The following FBN1 variants were observed in gnomAD, a reference collection of about 807,000 sequenced individuals.
FBN1 encodes fibrillin 1, also known as fibrillin-1.
FBN1 carries 29 observed loss-of-function variants against 365.1 expected under a neutral mutation model. The ratio of observed to expected loss-of-function variants is 0.08; its 90% CI spans 0.06 to 0.11. The LOEUF (loss-of-function observed/expected upper bound fraction) is 0.11, where lower values mean the gene tolerates loss of function less well. FBN1 is among the 10% of genes least tolerant of loss of function. The pLI is 1.00. For missense variants in FBN1, 2,476 were observed against 3,703.2 expected, an observed-to-expected ratio of 0.67 and a Z score of 8.60; for synonymous variants, 1,210 against 1,270.5, an observed-to-expected ratio of 0.95 and a Z score of 1.01.
At chr15:48,621,997 CAAA>C (rs1390517856) in intron 2 of FBN1, among the ~76,000 whole-genome samples, 1 of 91,892 alleles carries the variant, frequency 1.1e-5, no homozygotes. Context: ...GACTCTGTCT[CAAA>C]AAAAAAAAAA....
At chr15:48,622,792 C>T (rs2140752623) in intron 2 of FBN1, among the ~76,000 whole-genome samples, 1 of 152,272 alleles carries the variant, frequency 6.6e-6, no homozygotes, top group Non-Finnish European at 1.5e-5. Flanking sequence ...TCTTCACCGT[C>T]TCAGCCCTCA....
intron 24 of FBN1, among the ~76,000 whole-genome samples, chr15:48,490,913 T>C (rs1049723856): frequency 6.6e-6 from 1 of 152,242 alleles, no homozygotes; most frequent in Admixed American, 6.5e-5. Context: ...TGAAGTGTAA[T>C]TGAAATGTAA....
At chr15:48,644,176 T>C (rs1890247414) in intron 2 of FBN1, 2 of 184,070 alleles carry the variant, frequency 1.1e-5, no homozygotes, top group Admixed American at 1.1e-4. Flanking sequence ...CCTCTGACTG[T>C]CATGGGAATC....
chr15:48,580,211 T>C (rs1273366347), intron 6 of FBN1, among the ~76,000 whole-genome samples: 1 of 152,214 alleles, frequency 6.6e-6, no homozygotes. Flanking sequence ...TCATCATGCA[T>C]GCACTAGGAC....
At chr15:48,499,120 T>C in intron 17 of FBN1, 82 bp from the exon 18 acceptor site, 3 of 1,386,188 alleles carry the variant, frequency 2.2e-6, no homozygotes, top group South Asian at 2.3e-5. Context: ...ACACATCATT[T>C]CCTCCAAAGT....
chr15:48,642,865 C>T lies in FBN1; in HGVS notation c.164+1741G>A, dbSNP rs557704895. ...CTGTGAGGAGCACAGAGAGGTATCT[C>T]TCTATAATCACAAACAAATTTAAAA... On this transcript the variant is annotated intron_variant, in intron 2 of 65. Coordinates refer to ENST00000316623, the MANE Select transcript of FBN1 (RefSeq NM_000138.5). 7.2e-4 allele frequency: 110 copies of T among 152,288 alleles called. 1 individual carries two copies. Among genetic ancestry groups the T allele is most frequent in the African/African-American group, 2.5e-3 (105 of 41,544 alleles). The allele number at this position is 152,288 out of a possible 1,614,324, so 9.4% of individuals were successfully genotyped here.
chr15:48,564,235 A>T (rs190878120), intron 6 of FBN1, among the ~76,000 whole-genome samples: 1 of 152,288 alleles, frequency 6.6e-6, no homozygotes, highest in East Asian at 1.9e-4. Flanking sequence ...ATCATCACAC[A>T]GACACCAACA....
chr15:48,447,964 T>C (rs2043171963), intron 46 of FBN1, among the ~76,000 whole-genome samples: 1 of 152,104 alleles, frequency 6.6e-6, no homozygotes. Flanking sequence ...AGATGAGAGA[T>C]GTAGAAAGAA....
At position 48,411,245 on chromosome 15, in the gene FBN1, C is replaced by G. The variant is rs2042860148; in HGVS notation, c.8361G>C (p.Leu2787=). Residue 2787 remains leucine (L), a synonymous_variant, in exon 66 of 66, where the codon CTG becomes CTC. Coordinates refer to ENST00000316623, the MANE Select transcript of FBN1 (RefSeq NM_000138.5). ...CGATCAAGTATCTGTTGTGATTCGT[C>G]AGAGTTGTAAGAGCTGGAAGGAGTT... is the stretch of plus-strand genomic sequence containing the variant. ...ILELLPALTT[L]TNHNRYLIES... 6.2e-7 allele frequency: 1 copy of G among 1,614,096 alleles called. No individual in the cohort carries two copies. The highest frequency in any genetic ancestry group is 8.5e-7 in the Non-Finnish European group (1 of 1,180,008).
In FBN1 at chr15:48,598,221, A is replaced by G. The variant is rs944446092; in HGVS notation, c.443-1843T>C. 4.6e-5 allele frequency among the ~76,000 whole-genome samples: 7 copies of G among 152,330 alleles called. No individual in the cohort carries two copies. In the East Asian group the frequency reaches 1.4e-3, roughly 29 times the overall value. On this transcript the variant is annotated intron_variant, in intron 5 of 65. Transcript: ENST00000316623. ...TCCAACCCCAACTCTGCCGATTACC[A>G]TCTATATACCCTTAGAGGAACTACT...
At chr15:48,415,495 T>C in intron 64 of FBN1, 41 bp downstream of exon 64, 3 of 1,433,810 alleles carry the variant, frequency 2.1e-6, no homozygotes, top group Non-Finnish European at 2.0e-6. Context: ...ATATTACGAA[T>C]GAAAGAATCT....
chr15:48,554,579 A>C (rs1437145045), intron 6 of FBN1, among the ~76,000 whole-genome samples: 1 of 152,190 alleles, frequency 6.6e-6, no homozygotes, highest in African/African-American at 2.4e-5. Flanking sequence ...CAGGAAAGAG[A>C]TGGTACGGGG....
intron 6 of FBN1, among the ~76,000 whole-genome samples, chr15:48,550,258 T>C (rs1323745784): frequency 2.0e-5 from 3 of 152,186 alleles, no homozygotes; most frequent in Non-Finnish European, 4.4e-5. Context: ...GAAGGTTGTT[T>C]CCATAGTGCA....
intron 60 of FBN1, among the ~76,000 whole-genome samples, chr15:48,422,849 C>T (rs1446279858): frequency 6.6e-6 from 1 of 152,054 alleles, no homozygotes; most frequent in Non-Finnish European, 1.5e-5. Flanking sequence ...ATCCCAGCTA[C>T]CTGGGAGGCA....
At chr15:48,435,843 A>C (rs2043068483) in intron 53 of FBN1, among the ~76,000 whole-genome samples, 1 of 150,692 alleles carries the variant, frequency 6.6e-6, no homozygotes, top group East Asian at 1.9e-4. Context: ...CACCTAGAAT[A>C]CTCACCATTC....
At chr15:48,521,132 C>T (rs2141336764) in intron 9 of FBN1, among the ~76,000 whole-genome samples, 1 of 152,298 alleles carries the variant, frequency 6.6e-6, no homozygotes, top group South Asian at 2.1e-4. Context: ...CTAGCAGTGA[C>T]AGTTTATTAT....
chr15:48,630,558 A>T (rs550252859), intron 2 of FBN1, among the ~76,000 whole-genome samples: 2 of 152,304 alleles, frequency 1.3e-5, no homozygotes, highest in African/African-American at 2.4e-5. Context: ...TGGTTTGCCT[A>T]TCTTTGTAAA....
intron 5 of FBN1, among the ~76,000 whole-genome samples, chr15:48,599,541 A>C (rs2044545406): frequency 6.6e-6 from 1 of 152,012 alleles, no homozygotes; most frequent in Non-Finnish European, 1.5e-5. Context: ...AAAGTAACAA[A>C]AAAAAAAAAC....
At chr15:48,601,136 G>A (rs1399776361) in intron 4 of FBN1, among the ~76,000 whole-genome samples, 1 of 152,100 alleles carries the variant, frequency 6.6e-6, no homozygotes, top group Non-Finnish European at 1.5e-5. Flanking sequence ...TTCATTTCGG[G>A]GCCCAGGGTA....
Sources: allele counts gnomAD v4.1 joint callset (sites outside exome capture counted in the v4.1 genomes callset), GRCh38; gene constraint gnomAD v4.1.1; transcripts MANE v1.5; gene names NCBI Gene and HGNC (gene_info 2026-07-23, HGNC 2026-07-21).